Variants in FRMD6 observed in about 807,000 individuals in gnomAD.
The protein encoded by FRMD6 is FERM domain containing 6, also known as FERM domain-containing protein 6.
A neutral mutation model predicts 73.2 loss-of-function variants in FRMD6; 37 were observed. The ratio of observed to expected loss-of-function variants is 0.51; its 90% CI spans 0.39 to 0.66. FRMD6 has a LOEUF of 0.66. FRMD6 is among the 30% of genes least tolerant of loss of function. The pLI, the probability that FRMD6 is intolerant of heterozygous loss-of-function variation, is 0.00. For missense variants in FRMD6, 714 were observed against 780.5 expected (o/e 0.91, Z 1.02); for synonymous variants, 273 against 282.2 (o/e 0.97, Z 0.33).
At chr14:51,465,017 C>T in the FRMD6 span, among the ~76,000 whole-genome samples, 3 of 151,976 alleles carry the variant, frequency 2.0e-5, no homozygotes, top group African/African-American at 7.3e-5. Flanking sequence ...TACAGGCTTC[C>T]AATCAGCCAA....
chr14:51,482,739 C>T, the FRMD6 span, among the ~76,000 whole-genome samples: 6 of 151,842 alleles, frequency 4.0e-5, no homozygotes, highest in East Asian at 1.9e-4. Flanking sequence ...CTGGCACTGT[C>T]GCCTGGACTG....
intron 1 of FRMD6, among the ~76,000 whole-genome samples, chr14:51,524,081 C>T (rs1232230135): frequency 6.6e-6 from 1 of 152,176 alleles, no homozygotes; most frequent in Non-Finnish European, 1.5e-5. Context: ...TACACACATA[C>T]ACAATATCTC....
At chr14:51,478,478 G>A in the FRMD6 span, among the ~76,000 whole-genome samples, 4,911 of 152,210 alleles carry the variant, frequency 0.032, 131 homozygotes, top group Non-Finnish European at 0.046. Flanking sequence ...ATTCACTCAG[G>A]AATTCATGAA....
chr14:51,400,635 T>C, the FRMD6 span, among the ~76,000 whole-genome samples: 4 of 152,192 alleles, frequency 2.6e-5, no homozygotes, highest in African/African-American at 7.2e-5. Context: ...ATTATATAAT[T>C]ACAATAAAAA....
chr14:51,533,399 G>A (rs1034685078), intron 1 of FRMD6, among the ~76,000 whole-genome samples: 2 of 152,158 alleles, frequency 1.3e-5, no homozygotes, highest in African/African-American at 4.8e-5. Context: ...CATTACACTT[G>A]TATGAGTTGT....
At chr14:51,447,372 G>T in the FRMD6 span, among the ~76,000 whole-genome samples, 6 of 152,144 alleles carry the variant, frequency 3.9e-5, no homozygotes, top group Non-Finnish European at 8.8e-5. Flanking sequence ...TGTGCTGCCT[G>T]CTCCACTCAT....
chr14:51,555,256 G>C (rs983351277), intron 1 of FRMD6, among the ~76,000 whole-genome samples: 1 of 152,148 alleles, frequency 6.6e-6, no homozygotes, highest in Non-Finnish European at 1.5e-5. Flanking sequence ...TACTAATTAT[G>C]TCTGTCTAAA....
chr14:51,649,066 GT>G (rs1354221969), upstream of FRMD6, among the ~76,000 whole-genome samples: 1 of 152,066 alleles, frequency 6.6e-6, no homozygotes, highest in Non-Finnish European at 1.5e-5. Flanking sequence ...ACAGAAAAAC[GT>G]TTTAAACGTT....
At chr14:51,725,906 T>G (rs1374391969) in intron 13 of FRMD6, 36 bp downstream of exon 13, 2 of 1,492,988 alleles carry the variant, frequency 1.3e-6, no homozygotes, top group Non-Finnish European at 1.9e-6. Flanking sequence ...GTTAGGAAAC[T>G]GAAGTTATAG....
At chr14:51,503,556 C>G (rs553843007) in intron 1 of FRMD6, among the ~76,000 whole-genome samples, 1 of 152,112 alleles carries the variant, frequency 6.6e-6, no homozygotes, top group African/African-American at 2.4e-5. Flanking sequence ...CCTTGCATCC[C>G]GGGGATGAAG....
chr14:51,407,091 C>T, the FRMD6 span, among the ~76,000 whole-genome samples: 4 of 151,936 alleles, frequency 2.6e-5, no homozygotes, highest in Admixed American at 6.6e-5. Flanking sequence ...TCCACATTTC[C>T]TAGGACTGAC....
the FRMD6 span, among the ~76,000 whole-genome samples, chr14:51,457,124 G>C: frequency 6.6e-6 from 1 of 152,152 alleles, no homozygotes; most frequent in Non-Finnish European, 1.5e-5. Flanking sequence ...AGCCAGAAGA[G>C]AGAATTTAGA....
chr14:51,690,167 T>C (rs547182955), intron 2 of FRMD6, among the ~76,000 whole-genome samples: 1 of 152,322 alleles, frequency 6.6e-6, no homozygotes, highest in East Asian at 1.9e-4. Flanking sequence ...GGTTACTATA[T>C]TGAAAAACAA....
intron 2 of FRMD6, among the ~76,000 whole-genome samples, chr14:51,571,311 C>T (rs536610338): frequency 2.6e-5 from 4 of 152,264 alleles, no homozygotes; most frequent in African/African-American, 7.2e-5. Context: ...CTGAGGAGTT[C>T]GATGCTGCAG....
intron 1 of FRMD6, among the ~76,000 whole-genome samples, chr14:51,660,882 G>A (rs1363847099): frequency 6.6e-6 from 1 of 152,200 alleles, no homozygotes; most frequent in African/African-American, 2.4e-5. Context: ...GAAAAGTGTT[G>A]CAGCAGAGGG....
At chr14:51,568,806 T>A (rs983920479) in intron 1 of FRMD6, among the ~76,000 whole-genome samples, 3 of 151,982 alleles carry the variant, frequency 2.0e-5, no homozygotes, top group African/African-American at 7.2e-5. Context: ...TTTCTTCCCT[T>A]ACCTGGAAAT....
At chr14:51,607,772 A>G (rs1890323067) in intron 2 of FRMD6, among the ~76,000 whole-genome samples, 1 of 152,222 alleles carries the variant, frequency 6.6e-6, no homozygotes, top group African/African-American at 2.4e-5. Context: ...TGACTTTAAA[A>G]TGAAACAAGT....
At chr14:51,435,874 T>C in the FRMD6 span, among the ~76,000 whole-genome samples, 3 of 152,210 alleles carry the variant, frequency 2.0e-5, no homozygotes, top group Non-Finnish European at 4.4e-5. Flanking sequence ...ATACAGGTAT[T>C]GAAATATCAC....
At chr14:51,680,297 T>C (rs1198099987) in intron 1 of FRMD6, among the ~76,000 whole-genome samples, 1 of 152,226 alleles carries the variant, frequency 6.6e-6, no homozygotes, top group Non-Finnish European at 1.5e-5. Context: ...TCCCCATACA[T>C]GCTGTTAACC....
Sources: allele counts gnomAD v4.1 joint callset (sites outside exome capture counted in the v4.1 genomes callset), GRCh38; gene constraint gnomAD v4.1.1; transcripts MANE v1.5; gene names NCBI Gene and HGNC (gene_info 2026-07-23, HGNC 2026-07-21).